CTXND1: variants seen among roughly 807,000 people sequenced by gnomAD.
CTXND1 encodes cortexin domain containing 1.
At chr15:80,227,426 G>C (rs560240830) in intron 1 of CTXND1, among the ~76,000 whole-genome samples, 1 of 152,144 alleles carries the variant, frequency 6.6e-6, no homozygotes, top group South Asian at 2.1e-4. Context: ...CATGCAGGCT[G>C]TCAGAATTCT....
At chr15:80,247,878 T>C (rs536836102) in intron 1 of CTXND1, among the ~76,000 whole-genome samples, 5 of 152,316 alleles carry the variant, frequency 3.3e-5, no homozygotes, top group Non-Finnish European at 1.5e-5. Flanking sequence ...CGCACAATTC[T>C]GCCATACTGT....
At chr15:80,246,073 T>C (rs986738101) in intron 1 of CTXND1, among the ~76,000 whole-genome samples, 13 of 152,216 alleles carry the variant, frequency 8.5e-5, no homozygotes, top group African/African-American at 2.7e-4. Flanking sequence ...TATTCCAAAA[T>C]TTCCACCTAG....
intron 1 of CTXND1, among the ~76,000 whole-genome samples, chr15:80,243,637 G>T (rs1191185301): frequency 6.6e-6 from 1 of 152,132 alleles, no homozygotes; most frequent in African/African-American, 2.4e-5. Context: ...GCAAAATTCA[G>T]ATGCAAAGCC....
rs890647239 is a variant in CTXND1, at chr15:80,199,687, TA to T, written c.*2082del. 4 of 152,318 alleles carry T rather than the reference TA, an allele frequency of 2.6e-5. No individual in the cohort carries two copies. Among genetic ancestry groups the T allele is most frequent in the East Asian group, 1.9e-4 (1 of 5,180 alleles). 9.4% of individuals were successfully genotyped at this position (152,318 alleles called of 1,614,324 possible). On this transcript the variant is annotated 3_prime_UTR_variant, in exon 3 of 3. Transcript: ENST00000560778. ...TTCGTGCATTCCACAATAGTGGGGA[TA>T]GGGGTGGGTAGGAGAGGGGTATGAG...
chr15:80,204,239 T>A (rs891515367), intron 1 of CTXND1, among the ~76,000 whole-genome samples: 1 of 142,012 alleles, frequency 7.0e-6, no homozygotes, highest in Non-Finnish European at 1.5e-5. Flanking sequence ...CATATATATT[T>A]ATAAACTTAA....
intron 1 of CTXND1, among the ~76,000 whole-genome samples, chr15:80,209,814 C>T (rs905514770): frequency 3.9e-5 from 6 of 152,138 alleles, no homozygotes; most frequent in Admixed American, 1.3e-4. Flanking sequence ...TCAGGGAAGG[C>T]GCATATATTT....
At chr15:80,211,574 A>G (rs1368226301) in intron 1 of CTXND1, among the ~76,000 whole-genome samples, 3 of 152,132 alleles carry the variant, frequency 2.0e-5, no homozygotes, top group Non-Finnish European at 4.4e-5. Flanking sequence ...ATGTTAACAG[A>G]TAATTAAAAC....
chr15:80,229,908 A>C (rs1893410485), intron 1 of CTXND1, among the ~76,000 whole-genome samples: 1 of 152,218 alleles, frequency 6.6e-6, no homozygotes, highest in East Asian at 1.9e-4. Flanking sequence ...CTAAGTATTA[A>C]AATTCTCCTT....
chr15:80,215,212 C>T (rs1893239599), intron 1 of CTXND1, among the ~76,000 whole-genome samples: 2 of 152,164 alleles, frequency 1.3e-5, no homozygotes, highest in African/African-American at 2.4e-5. Flanking sequence ...CACATAATGA[C>T]CTACGCTTGA....
intron 1 of CTXND1, among the ~76,000 whole-genome samples, chr15:80,208,419 A>G (rs1893172695): frequency 6.6e-6 from 1 of 152,236 alleles, no homozygotes. Context: ...GTGGAAGGTC[A>G]GTGCTCTCTA....
intron 1 of CTXND1, among the ~76,000 whole-genome samples, chr15:80,248,471 C>G (rs1225544765): frequency 1.3e-5 from 2 of 152,158 alleles, no homozygotes; most frequent in Non-Finnish European, 2.9e-5. Context: ...GCTTAAAACT[C>G]CTCAATCTCT....
chr15:80,232,139 G>A (rs1198513979), intron 1 of CTXND1, among the ~76,000 whole-genome samples: 1 of 152,176 alleles, frequency 6.6e-6, no homozygotes, highest in Non-Finnish European at 1.5e-5. Flanking sequence ...AGCCTGGAAT[G>A]CTGGCGACGT....
chr15:80,223,352 C>T (rs948597892), intron 1 of CTXND1, among the ~76,000 whole-genome samples: 2 of 152,252 alleles, frequency 1.3e-5, no homozygotes, highest in South Asian at 4.1e-4. Flanking sequence ...CCACCGCGCC[C>T]GGCCGAGATT....
At chr15:80,231,891 G>A (rs1343454399) in intron 1 of CTXND1, among the ~76,000 whole-genome samples, 4 of 152,148 alleles carry the variant, frequency 2.6e-5, no homozygotes, top group East Asian at 1.9e-4. Flanking sequence ...TCCATTCACG[G>A]TATTGTTTAA....
intron 1 of CTXND1, among the ~76,000 whole-genome samples, chr15:80,232,187 C>G (rs1471959444): frequency 2.0e-5 from 3 of 152,148 alleles, no homozygotes; most frequent in East Asian, 1.9e-4. Flanking sequence ...AGTTGTGAAC[C>G]AGGCAGTGAG....
intron 1 of CTXND1, among the ~76,000 whole-genome samples, chr15:80,214,236 GA>G (rs1893229982): frequency 6.6e-6 from 1 of 152,040 alleles, no homozygotes; most frequent in African/African-American, 2.4e-5. Flanking sequence ...AATATTGATA[GA>G]AAAGTGTAAA....
intron 1 of CTXND1, among the ~76,000 whole-genome samples, chr15:80,240,190 C>A (rs1893549223): frequency 6.6e-6 from 1 of 152,168 alleles, no homozygotes; most frequent in Non-Finnish European, 1.5e-5. Context: ...GTCTTGAACT[C>A]CTGACCTCAG....
At chr15:80,248,940 C>CT (rs1160345141) in intron 1 of CTXND1, among the ~76,000 whole-genome samples, 7 of 140,712 alleles carry the variant, frequency 5.0e-5, no homozygotes, top group African/African-American at 1.8e-4. Context: ...CTCTTTCTTT[C>CT]TTTTTTTGAT....
Position 80,201,590 on chromosome 15 carries a change from G to A in CTXND1, c.*180C>T. 2.5e-6 allele frequency: 1 copy of A among 393,454 alleles called. No homozygotes were observed. 24.4% of individuals were successfully genotyped at this position (393,454 alleles called of 1,614,324 possible). A position where few individuals can be genotyped will look rare whatever the true frequency, so the allele number is the denominator to read the frequency against. ...TGGTTGCGACACCCACGGCACCCGG[G>A]CATTCCACGCTGGTGCTCGAGGGAG... On this transcript the variant is annotated 3_prime_UTR_variant, in exon 3 of 3. Transcript: ENST00000560778.
Sources: allele counts gnomAD v4.1 joint callset (sites outside exome capture counted in the v4.1 genomes callset), GRCh38; gene constraint gnomAD v4.1.1; transcripts MANE v1.5; gene names NCBI Gene and HGNC (gene_info 2026-07-23, HGNC 2026-07-21).